DGKB: variants seen among roughly 807,000 people sequenced by gnomAD.
The protein encoded by DGKB is diacylglycerol kinase beta.
In DGKB, 67 loss-of-function variants were observed where a neutral mutation model predicts 114.3. The observed-to-expected ratio is 0.59, with a 90% CI of 0.48 to 0.72. DGKB has a LOEUF of 0.72. Ranked by LOEUF, DGKB falls within the 30% of genes least tolerant of loss-of-function variation. The probability of loss-of-function intolerance (pLI) is 0.00; values close to 1 mark genes in which losing one functional copy is unlikely to be tolerated. For synonymous variants in DGKB, 398 were observed against 323.1 expected (o/e 1.23, Z -2.49); for missense variants, 907 against 975.2 (o/e 0.93, Z 0.93).
intron 23 of DGKB, among the ~76,000 whole-genome samples, chr7:14,327,569 T>C (rs1053056262): frequency 2.0e-5 from 3 of 152,148 alleles, no homozygotes; most frequent in Non-Finnish European, 4.4e-5. Context: ...TGCATATCTC[T>C]GAGAGCTCCT....
At chr7:14,360,787 C>T (rs1038266141) in intron 21 of DGKB, among the ~76,000 whole-genome samples, 4 of 151,962 alleles carry the variant, frequency 2.6e-5, no homozygotes, top group African/African-American at 9.7e-5. Context: ...ATAGGGAGTT[C>T]AACATGTGAG....
At chr7:14,278,293 G>T (rs1433067503) in intron 23 of DGKB, among the ~76,000 whole-genome samples, 1 of 151,624 alleles carries the variant, frequency 6.6e-6, no homozygotes, top group Non-Finnish European at 1.5e-5. Context: ...ATAAAAACAG[G>T]CATACAGACC....
intron 21 of DGKB, among the ~76,000 whole-genome samples, chr7:14,360,953 T>G (rs10231477): frequency 2.1e-3 from 316 of 152,206 alleles, no homozygotes; most frequent in African/African-American, 7.1e-3. Context: ...CCTAACCAAT[T>G]TTTAGATGCT....
intron 20 of DGKB, among the ~76,000 whole-genome samples, chr7:14,565,702 A>G (rs1026724387): frequency 8.5e-5 from 13 of 152,086 alleles, no homozygotes; most frequent in African/African-American, 3.1e-4. Context: ...TTATTTTCAA[A>G]ATATTTCTTA....
upstream of DGKB, among the ~76,000 whole-genome samples, chr7:14,903,981 C>T (rs1015229724): frequency 6.6e-6 from 1 of 152,104 alleles, no homozygotes. Context: ...TCTGGTAAAA[C>T]CAACTTGATT....
In DGKB at chr7:14,418,371, GTATA is replaced by G. The variant is rs369934623; in HGVS notation, c.1835+59786_1835+59789del. ...TATATTCACATATATATGTGTGTGT[GTATA>G]TATATATATATATATATACACACAC... On this transcript the variant is annotated intron_variant, in intron 21 of 25. Coordinates refer to ENST00000402815, the MANE Select transcript of DGKB (RefSeq NM_001350709.2). 8.8e-4 allele frequency among the ~76,000 whole-genome samples: 114 copies of G among 129,842 alleles called. 1 individual carries two copies. Among genetic ancestry groups the G allele is most frequent in the Middle Eastern group, 4.7e-3 (1 of 212 alleles). The allele number at this position is 129,842 out of a possible 152,430, so 85.2% of individuals were successfully genotyped here. A position where few individuals can be genotyped will look rare whatever the true frequency, so the allele number is the denominator to read the frequency against.
intron 20 of DGKB, among the ~76,000 whole-genome samples, chr7:14,554,691 T>G (rs1435757658): frequency 6.6e-6 from 1 of 152,174 alleles, no homozygotes; most frequent in Non-Finnish European, 1.5e-5. Context: ...ACTTACTGAT[T>G]TATTGACTGA....
At chr7:14,235,519 G>T (rs1367145664) in intron 23 of DGKB, among the ~76,000 whole-genome samples, 3 of 152,084 alleles carry the variant, frequency 2.0e-5, no homozygotes, top group Non-Finnish European at 4.4e-5. Context: ...CATCTGTGAA[G>T]TAGAATGCCA....
chr7:14,887,654 T>C (rs1780526465), intron 1 of DGKB, among the ~76,000 whole-genome samples: 1 of 151,746 alleles, frequency 6.6e-6, no homozygotes, highest in Admixed American at 6.6e-5. Context: ...ATTTTAAAAA[T>C]AAATCTAAAA....
intron 21 of DGKB, among the ~76,000 whole-genome samples, chr7:14,416,604 T>G (rs897506214): frequency 6.6e-6 from 1 of 152,046 alleles, no homozygotes; most frequent in Non-Finnish European, 1.5e-5. Context: ...GTTCTCATGG[T>G]AGTAAATAAG....
At chr7:14,889,572 T>C (rs776432980) in intron 1 of DGKB, among the ~76,000 whole-genome samples, 5 of 151,516 alleles carry the variant, frequency 3.3e-5, no homozygotes, top group Non-Finnish European at 7.4e-5. Flanking sequence ...TTTGGGAAAC[T>C]GAAGTTGTGT....
chr7:14,352,236 G>C (rs1390725809), intron 21 of DGKB, among the ~76,000 whole-genome samples: 1 of 151,966 alleles, frequency 6.6e-6, no homozygotes, highest in Non-Finnish European at 1.5e-5. Context: ...ACTTTTACAG[G>C]ACTAAAGAAA....
At chr7:14,226,249 T>C (rs1377937091) in intron 23 of DGKB, among the ~76,000 whole-genome samples, 2 of 152,022 alleles carry the variant, frequency 1.3e-5, no homozygotes, top group African/African-American at 4.8e-5. Context: ...ATATAATCCC[T>C]AGTTACTCAT....
At chr7:14,649,675 G>A (rs1813988635) in intron 13 of DGKB, among the ~76,000 whole-genome samples, 1 of 144,302 alleles carries the variant, frequency 6.9e-6, no homozygotes. Context: ...TGGACAAAAT[G>A]CTCCAATTAA....
intron 17 of DGKB, among the ~76,000 whole-genome samples, chr7:14,586,452 A>G (rs1800780985): frequency 6.6e-6 from 1 of 152,192 alleles, no homozygotes; most frequent in Non-Finnish European, 1.5e-5. Flanking sequence ...CTGTATAAAC[A>G]GCAAGTGCTG....
At chr7:14,471,482 T>G (rs1356010028) in intron 21 of DGKB, among the ~76,000 whole-genome samples, 1 of 148,696 alleles carries the variant, frequency 6.7e-6, no homozygotes, top group Non-Finnish European at 1.5e-5. Context: ...AATAATAATT[T>G]GAAAATTGTA....
chr7:14,816,732 A>G (rs541565344), intron 2 of DGKB, among the ~76,000 whole-genome samples: 67 of 152,330 alleles, frequency 4.4e-4, no homozygotes, highest in Middle Eastern at 3.4e-3. Flanking sequence ...CATATGCACG[A>G]ATTTAATTAT....
At chr7:14,357,695 T>C (rs1013772484) in intron 21 of DGKB, among the ~76,000 whole-genome samples, 2 of 152,242 alleles carry the variant, frequency 1.3e-5, no homozygotes, top group African/African-American at 2.4e-5. Flanking sequence ...ATAGCATTGA[T>C]GGTCTTTATA....
intron 19 of DGKB, among the ~76,000 whole-genome samples, chr7:14,577,483 G>A (rs1440919845): frequency 6.6e-6 from 1 of 152,130 alleles, no homozygotes; most frequent in Non-Finnish European, 1.5e-5. Flanking sequence ...CTGGCAAGGT[G>A]GCGGGCGCCC....
Sources: gnomAD v4.1 joint callset for allele counts (sites outside exome capture counted in the v4.1 genomes callset) on GRCh38, gnomAD v4.1.1 for gene constraint, MANE v1.5 for transcripts, NCBI Gene and HGNC (gene_info 2026-07-23, HGNC 2026-07-21) for gene names.